Variants in CENPT observed in about 807,000 individuals in gnomAD.
CENPT encodes interphase centromere complex protein 22.
A neutral mutation model predicts 59.7 loss-of-function variants in CENPT; 42 were observed. That is an observed-to-expected ratio of 0.70 (90% CI 0.55 to 0.91). The LOEUF (loss-of-function observed/expected upper bound fraction) is 0.91, where lower values mean the gene tolerates loss of function less well. Ranked by LOEUF, CENPT falls within the 40% of genes least tolerant of loss-of-function variation. The pLI is 0.00. For missense variants in CENPT, 716 were observed against 713.4 expected (o/e 1.00, Z -0.04); for synonymous variants, 295 against 289.6 (o/e 1.02, Z -0.19).
At chr16:67,831,014 G>T in intron 10 of CENPT, 1 of 688,768 alleles carries the variant, frequency 1.5e-6, no homozygotes, top group African/African-American at 1.8e-5. Flanking sequence ...TAAGGATATG[G>T]GGCCCTGGGA....
At chr16:67,838,067 G>C (rs1425854442) in intron 1 of CENPT, among the ~76,000 whole-genome samples, 2 of 152,218 alleles carry the variant, frequency 1.3e-5, no homozygotes, top group African/African-American at 4.8e-5. Flanking sequence ...AAGACAGAGA[G>C]TGAGCTGGAT....
At position 67,847,649 on chromosome 16, in the gene CENPT, G is replaced by C. The variant is rs2057816120; in HGVS notation, c.-740C>G. Reference sequence around the variant, plus strand: ...AGGGTCAGGGAATATGAGGCGGGAGGGGATTCCACGGGAGACTTTATCCCT... The same window carrying C: ...AGGGTCAGGGAATATGAGGCGGGAGCGGATTCCACGGGAGACTTTATCCCT... On this transcript the variant is annotated 5_prime_UTR_variant, in exon 1 of 16. Transcript: ENST00000562787. The C allele has an allele frequency of 6.6e-6, 1 of 152,376 alleles. No individual in the cohort carries two copies. The highest frequency in any genetic ancestry group is 1.5e-5 in the Non-Finnish European group (1 of 68,152). 9.4% of individuals were successfully genotyped at this position (152,376 alleles called of 1,614,324 possible).
At position 67,842,386 on chromosome 16, in the gene CENPT, A is replaced by C; in HGVS notation, c.-492+5015T>G. 1 of 309,156 alleles carries C rather than the reference A, an allele frequency of 3.2e-6. No homozygotes were observed. Among genetic ancestry groups the C allele is most frequent in the Non-Finnish European group, 5.2e-6 (1 of 191,578 alleles). The allele number at this position is 309,156 out of a possible 1,614,324, so 19.2% of individuals were successfully genotyped here. ...CGCGGCGCGGGCCGGCAGGAAGCGT[A>C]TTCTGGGCACGGGGCGCCGGGCGGG... On this transcript the variant is annotated intron_variant, in intron 1 of 15. Coordinates refer to ENST00000562787, the MANE Select transcript of CENPT (RefSeq NM_025082.4). This position sits in a 1 kb window ranked among gnomAD's most constrained non-coding sequence, Gnocchi z 4.9.
In CENPT at chr16:67,842,526, T is replaced by TGGGCC. The variant is rs1205825864; in HGVS notation, c.-492+4870_-492+4874dup. 43 of 1,472,320 alleles carry TGGGCC rather than the reference T, an allele frequency of 2.9e-5. No homozygotes were observed. The highest frequency in any genetic ancestry group is 8.1e-5 in the South Asian group (6 of 74,114). 91.2% of individuals were successfully genotyped at this position (1,472,320 alleles called of 1,614,324 possible). ...GCCGTCGAAGAGCGCAGGAGGCCGG[T>TGGGCC]GGGCCGGGCCGGGCCGCGCGGCGCA... On this transcript the variant is annotated intron_variant, in intron 1 of 15. Transcript: ENST00000562787. This position sits in a 1 kb window ranked among gnomAD's most constrained non-coding sequence, Gnocchi z 4.9.
chr16:67,842,893 A>AG lies in CENPT; in HGVS notation c.-492+4507_-492+4508insC. 6.3e-7 allele frequency: 1 copy of AG among 1,585,552 alleles called. No individual in the cohort carries two copies. Among genetic ancestry groups the AG allele is most frequent in the Non-Finnish European group, 8.5e-7 (1 of 1,169,846 alleles). On this transcript the variant is annotated intron_variant, in intron 1 of 15. Transcript: ENST00000562787. The surrounding 1 kb of genome is among the most constrained non-coding windows in gnomAD (Gnocchi z 4.9). ...AGCAGCAACAGCAGCAGCAGCAGCA[A>AG]CAGCAGCAACAGCAGCAGCAGCAGC...
At chr16:67,829,548 T>TGACCATCTCAC (rs1567790870) in intron 12 of CENPT, 32 bp from the exon 13 acceptor site, 25 of 1,567,974 alleles carry the variant, frequency 1.6e-5, no homozygotes, top group Non-Finnish European at 2.2e-5. Context: ...TCACAGGGAT[T>TGACCATCTCAC]CCAGGCCTGA....
In CENPT at chr16:67,833,821, G is replaced by C; in HGVS notation, c.39C>G (p.Arg13=). The part of the protein sequence containing the change: ...DHNPDSDSTP[R]TLLRRVLDTA... ...TATCCAGCACGCGTCGCAGCAGCGT[G>C]CGCGGCGTGGAGTCGCTGTCAGGGT... The change falls in exon 4 of 16, where the codon CGC becomes CGG. Residue 13 remains arginine (R), a synonymous_variant. Transcript: ENST00000562787. 1 of 1,575,404 alleles carries C rather than the reference G, an allele frequency of 6.3e-7. No individual in the cohort carries two copies. The highest frequency in any genetic ancestry group is 1.4e-5 in the African/African-American group (1 of 72,478).
rs370500847 is a variant in CENPT at position 67,843,510 on chromosome 16, C to T, written c.-492+3891G>A. The T allele has an allele frequency of 1.4e-4, 216 of 1,595,928 alleles. No individual in the cohort carries two copies. Among genetic ancestry groups the T allele is most frequent in the Non-Finnish European group, 1.7e-4 (199 of 1,170,484 alleles). On this transcript the variant is annotated intron_variant, in intron 1 of 15. Transcript: ENST00000562787. This position sits in a 1 kb window ranked among gnomAD's most constrained non-coding sequence, Gnocchi z 5.7. The stretch of plus-strand genomic sequence containing the variant: ...AAGCACGGAATGTGAACTGGTGCCC[C>T]GGCAGCCTGCTGGACTCCCAGACCC...
intron 4 of CENPT, among the ~76,000 whole-genome samples, chr16:67,833,284 G>C (rs1049915701): frequency 6.6e-6 from 1 of 152,244 alleles, no homozygotes; most frequent in Admixed American, 6.5e-5. Flanking sequence ...TACAAGGACA[G>C]TAAGACAATG....
chr16:67,830,802 C>T (rs1214014472), intron 10 of CENPT: 2 of 543,334 alleles, frequency 3.7e-6, no homozygotes, highest in Non-Finnish European at 6.5e-6. Context: ...AGCTGCCCGC[C>T]CACCAGCTGC....
At position 67,842,429 on chromosome 16, in the gene CENPT, C is replaced by T; in HGVS notation, c.-492+4972G>A. 1.6e-6 allele frequency: 1 copy of T among 612,880 alleles called. No homozygotes were observed. The highest frequency in any genetic ancestry group is 2.3e-6 in the Non-Finnish European group (1 of 440,600). 38.0% of individuals were successfully genotyped at this position (612,880 alleles called of 1,614,324 possible). A position where few individuals can be genotyped will look rare whatever the true frequency, so the allele number is the denominator to read the frequency against. On this transcript the variant is annotated intron_variant, in intron 1 of 15. Coordinates refer to ENST00000562787, the MANE Select transcript of CENPT (RefSeq NM_025082.4). The surrounding 1 kb of genome is among the most constrained non-coding windows in gnomAD (Gnocchi z 4.9). Reference sequence around the variant, plus strand: ...CGGGCGGGCCGGCTGCGCCGAGCGGCAGTGGTGGGATACCACCCAAGGCCT... The same window carrying T: ...CGGGCGGGCCGGCTGCGCCGAGCGGTAGTGGTGGGATACCACCCAAGGCCT...
At position 67,835,285 on chromosome 16, in the gene CENPT, T is replaced by C. The variant is rs561501027; in HGVS notation, c.-355A>G. On this transcript the variant is annotated 5_prime_UTR_variant, in exon 3 of 16. Transcript: ENST00000562787. The stretch of plus-strand genomic sequence containing the variant: ...TTTCTGAGTCTTCCGTGGAGTTCAC[T>C]TTCCCAGAATCTGCACTGAGATCAA... 6.6e-6 allele frequency: 1 copy of C among 152,218 alleles called. No individual in the cohort carries two copies. Among genetic ancestry groups the C allele is most frequent in the Non-Finnish European group, 1.5e-5 (1 of 68,038 alleles). The allele number at this position is 152,218 out of a possible 1,614,324, so 9.4% of individuals were successfully genotyped here.
At position 67,833,874 on chromosome 16, in the gene CENPT, G is replaced by C; in HGVS notation, c.-15C>G. ...TGGTCAGCCATCGTCTCGGCCCCGG[G>C]CCCTCCTAACCGCCCAGCCAGCTGC... On this transcript the variant is annotated 5_prime_UTR_variant, in exon 4 of 16. Transcript: ENST00000562787. 1 of 1,485,964 alleles carries C rather than the reference G, an allele frequency of 6.7e-7. No individual in the cohort carries two copies. The highest frequency in any genetic ancestry group is 8.9e-7 in the Non-Finnish European group (1 of 1,119,992). The allele number at this position is 1,485,964 out of a possible 1,614,324, so 92.0% of individuals were successfully genotyped here.
rs1489809216 is a variant in CENPT, at chr16:67,828,729, T to A, written c.1395A>T (p.Lys465Asn). 1 of 1,613,850 alleles carries A rather than the reference T, an allele frequency of 6.2e-7. No individual in the cohort carries two copies. The highest frequency in any genetic ancestry group is 1.1e-5 in the South Asian group (1 of 91,076). ...PHKAGLSHYV[K>N]LFSFYAKMPM... Reference sequence around the variant, plus strand: ...GCATCTTGGCATAGAAGCTAAAGAGTTTCACATAGTGGCTCAGTCCAGCCT... The same window carrying A: ...GCATCTTGGCATAGAAGCTAAAGAGATTCACATAGTGGCTCAGTCCAGCCT... The change falls in exon 14 of 16, where the codon AAA (lysine) becomes AAT (asparagine). Residue 465 changes from lysine (K) to asparagine (N), a missense_variant. Transcript: ENST00000562787.
chr16:67,842,832 G>C lies in CENPT; in HGVS notation c.-492+4569C>G. On this transcript the variant is annotated intron_variant, in intron 1 of 15. Coordinates refer to ENST00000562787, the MANE Select transcript of CENPT (RefSeq NM_025082.4). This position sits in a 1 kb window ranked among gnomAD's most constrained non-coding sequence, Gnocchi z 4.9. The stretch of plus-strand genomic sequence containing the variant: ...GTCAATGAGCGCAAAGTAGCGCGCA[G>C]ACCCGCTGGGGCCGCGGCCGCCCGC... 6.2e-7 allele frequency: 1 copy of C among 1,608,798 alleles called. No homozygotes were observed. The highest frequency in any genetic ancestry group is 8.5e-7 in the Non-Finnish European group (1 of 1,179,206).
intron 1 of CENPT, among the ~76,000 whole-genome samples, chr16:67,845,783 T>C (rs1420688544): frequency 6.6e-6 from 1 of 152,188 alleles, no homozygotes; most frequent in Non-Finnish European, 1.5e-5. Flanking sequence ...CAATGCAGAG[T>C]TCTCACTAGC....
intron 9 of CENPT, 104 bp downstream of exon 9, chr16:67,831,472 A>C: frequency 1.9e-6 from 3 of 1,574,796 alleles, no homozygotes; most frequent in Non-Finnish European, 2.6e-6. Flanking sequence ...TGTGAGGCTA[A>C]AACTGGTAGG....
chr16:67,830,835 G>A (rs1402539416), intron 10 of CENPT: 2 of 518,354 alleles, frequency 3.9e-6, no homozygotes, highest in Non-Finnish European at 6.9e-6. Flanking sequence ...CCTCTTCGCT[G>A]CTTGTTCTGC....
chr16:67,832,210 A>C lies in CENPT; in HGVS notation c.289+18T>G, dbSNP rs367715523. On this transcript the variant is annotated intron_variant, in intron 6 of 15. Coordinates refer to ENST00000562787, the MANE Select transcript of CENPT (RefSeq NM_025082.4). ...GGACTGGTACCTAACTCTGACCGGC[A>C]GGCCAGCGCTCACTTACCAGTTAGT... 2.7e-5 allele frequency: 43 copies of C among 1,613,536 alleles called. No homozygotes were observed. Among genetic ancestry groups the C allele is most frequent in the Non-Finnish European group, 3.6e-5 (43 of 1,179,556 alleles).
Sources: gnomAD v4.1 joint callset for allele counts (sites outside exome capture counted in the v4.1 genomes callset) on GRCh38, gnomAD v4.1.1 for gene constraint, Gnocchi (gnomAD v3.1) non-coding constraint, MANE v1.5 for transcripts, NCBI Gene and HGNC (gene_info 2026-07-23, HGNC 2026-07-21) for gene names.